DSCAM: variants seen among roughly 807,000 people sequenced by gnomAD.
The protein encoded by DSCAM is DS cell adhesion molecule, also known as cell adhesion molecule DSCAM.
In DSCAM, 47 loss-of-function variants were observed where a neutral mutation model predicts 217.7. The ratio of observed to expected loss-of-function variants is 0.22; its 90% confidence interval spans 0.17 to 0.28. DSCAM has a LOEUF of 0.28. Ranked by LOEUF, DSCAM falls within the 10% of genes least tolerant of loss-of-function variation. The pLI, the probability that DSCAM is intolerant of heterozygous loss-of-function variation, is 1.00. For missense variants in DSCAM, 2,080 were observed against 2,618.3 expected (o/e 0.79, Z 4.49); for synonymous variants, 1,056 against 1,015.3 (o/e 1.04, Z -0.76).
At chr21:40,197,064 T>C (rs567477963) in intron 11 of DSCAM, among the ~76,000 whole-genome samples, 1 of 152,324 alleles carries the variant, frequency 6.6e-6, no homozygotes, top group East Asian at 1.9e-4. Context: ...AAGAGAATTT[T>C]GGAATTAATT....
At chr21:40,412,873 G>C (rs2075336077) in intron 3 of DSCAM, among the ~76,000 whole-genome samples, 1 of 152,206 alleles carries the variant, frequency 6.6e-6, no homozygotes, top group Admixed American at 6.5e-5. Context: ...GAAGGAAAAA[G>C]TGGTTTCATG....
At chr21:40,534,459 A>G (rs1855002556) in intron 3 of DSCAM, among the ~76,000 whole-genome samples, 1 of 152,198 alleles carries the variant, frequency 6.6e-6, no homozygotes, top group Admixed American at 6.5e-5. Context: ...GCACATCTCC[A>G]GGGTAGCTGA....
At chr21:40,736,340 TG>T in intron 1 of DSCAM, among the ~76,000 whole-genome samples, 1 of 152,280 alleles carries the variant, frequency 6.6e-6, no homozygotes, top group South Asian at 2.1e-4. Flanking sequence ...CATTGGTAAC[TG>T]AACTCAACTT....
At chr21:40,254,710 T>C (rs2073348308) in intron 11 of DSCAM, among the ~76,000 whole-genome samples, 1 of 152,134 alleles carries the variant, frequency 6.6e-6, no homozygotes, top group Non-Finnish European at 1.5e-5. Context: ...GCATCCCAGC[T>C]TCTTTCTGTG....
Position 40,692,877 on chromosome 21 carries a change from G to C in DSCAM, c.441C>G (p.Ile147Met). 6.2e-7 allele frequency: 1 copy of C among 1,614,042 alleles called. No homozygotes were observed. Among genetic ancestry groups the C allele is most frequent in the Non-Finnish European group, 8.5e-7 (1 of 1,179,934 alleles). Residue 147 changes from isoleucine to methionine, a missense_variant, in exon 3 of 33, where the codon ATC becomes ATG. By Grantham distance (10) the Ile-to-Met change is conservative. This residue lies in a region of DSCAM where 568 missense variants were observed against 678.1 expected (regional missense o/e 0.84). Transcript: ENST00000400454. ...RGNVAVFKCI[I>M]PSSVEAYITV... is the part of the protein sequence containing the mutation. Reference sequence around the variant, plus strand: ...TGATGTACGCCTCCACCGAGGAGGGGATAATGCACTTGAAGACCGCAACAT... The same window carrying C: ...TGATGTACGCCTCCACCGAGGAGGGCATAATGCACTTGAAGACCGCAACAT...
intron 3 of DSCAM, among the ~76,000 whole-genome samples, chr21:40,632,039 C>T (rs959366088): frequency 1.3e-5 from 2 of 152,182 alleles, no homozygotes; most frequent in African/African-American, 4.8e-5. Context: ...GAACAGCACG[C>T]GTCCACGCAG....
intron 3 of DSCAM, among the ~76,000 whole-genome samples, chr21:40,482,055 G>C (rs2075987775): frequency 6.6e-6 from 1 of 152,182 alleles, no homozygotes; most frequent in Non-Finnish European, 1.5e-5. Flanking sequence ...CACCACTCCG[G>C]GGGGAAGAGC....
In DSCAM at chr21:40,055,705, T is replaced by C. The variant is rs1203991987; in HGVS notation, c.5035+20A>G. 1 of 1,590,112 alleles carries C rather than the reference T, an allele frequency of 6.3e-7. No individual in the cohort carries two copies. The highest frequency in any genetic ancestry group is 8.6e-7 in the Non-Finnish European group (1 of 1,159,244). Reference sequence around the variant, plus strand: ...GCTGTGGCAGCCACTTTGTGTAAAGTGGCAAATAGGGCAGCTTACCAATGG... The same window carrying C: ...GCTGTGGCAGCCACTTTGTGTAAAGCGGCAAATAGGGCAGCTTACCAATGG... On this transcript the variant is annotated intron_variant, in intron 29 of 32. Transcript: ENST00000400454.
chr21:40,459,016 T>C (rs2075785200), intron 3 of DSCAM, among the ~76,000 whole-genome samples: 1 of 151,566 alleles, frequency 6.6e-6, no homozygotes, highest in Non-Finnish European at 1.5e-5. Flanking sequence ...CATACGTATA[T>C]AAATAACAAG....
intron 1 of DSCAM, among the ~76,000 whole-genome samples, chr21:40,809,197 A>G (rs1356382084): frequency 6.6e-6 from 1 of 152,136 alleles, no homozygotes; most frequent in African/African-American, 2.4e-5. Flanking sequence ...CCACCACGAT[A>G]AAGGCAAGAG....
intron 18 of DSCAM, among the ~76,000 whole-genome samples, chr21:40,141,779 G>A (rs1327618944): frequency 2.0e-5 from 3 of 152,102 alleles, no homozygotes; most frequent in Non-Finnish European, 4.4e-5. Context: ...CCTGCTGGGG[G>A]CTGCAGCCTC....
In DSCAM at chr21:40,645,447, A is replaced by G. The variant is rs534896244; in HGVS notation, c.508+47363T>C. On this transcript the variant is annotated intron_variant, in intron 3 of 32. Transcript: ENST00000400454. ...ACTGTAGAAGGCTGTTAATTGAATT[A>G]GGGTAAAATAGTGAAAATTGGAACT... Among the ~76,000 whole-genome samples the G allele has an allele frequency of 1.4e-4, 22 of 152,336 alleles. No homozygotes were observed. In the East Asian group the frequency reaches 3.5e-3, roughly 24 times the overall value.
chr21:40,677,930 A>G (rs1022215312), intron 3 of DSCAM, among the ~76,000 whole-genome samples: 2 of 152,136 alleles, frequency 1.3e-5, no homozygotes, highest in African/African-American at 4.8e-5. Context: ...AAGCCACCCA[A>G]TGCATGGTAA....
intron 32 of DSCAM, among the ~76,000 whole-genome samples, chr21:40,030,452 A>T (rs955935613): frequency 2.0e-5 from 3 of 152,278 alleles, no homozygotes; most frequent in Admixed American, 1.3e-4. Flanking sequence ...CTCTCAGGCA[A>T]TGAGACGTAA....
chr21:40,604,289 T>G (rs1204752276), intron 3 of DSCAM, among the ~76,000 whole-genome samples: 3 of 152,200 alleles, frequency 2.0e-5, no homozygotes, highest in African/African-American at 7.2e-5. Flanking sequence ...TTTAAATTCT[T>G]CCTTAGAGTT....
At chr21:40,047,760 C>T (rs552599127) in intron 30 of DSCAM, among the ~76,000 whole-genome samples, 4 of 152,140 alleles carry the variant, frequency 2.6e-5, no homozygotes, top group Admixed American at 2.0e-4. Flanking sequence ...CCTCATGTAA[C>T]TAAAAAATAT....
At chr21:40,050,487 CT>C (rs34197777) in intron 30 of DSCAM, among the ~76,000 whole-genome samples, 108 of 146,626 alleles carry the variant, frequency 7.4e-4, no homozygotes, top group East Asian at 1.2e-3. Flanking sequence ...GCCCTTGAAT[CT>C]TTTTTTTTTT....
intron 3 of DSCAM, among the ~76,000 whole-genome samples, chr21:40,508,734 AATATATATAT>A (rs760072956): frequency 1.3e-3 from 60 of 45,834 alleles, no homozygotes; most frequent in South Asian, 6.0e-3. Context: ...ACACCCGGCA[AATATATATAT>A]ATATATATAT....
intron 1 of DSCAM, among the ~76,000 whole-genome samples, chr21:40,837,576 C>T (rs1276379355): frequency 1.3e-5 from 2 of 152,236 alleles, no homozygotes; most frequent in Admixed American, 1.3e-4. Context: ...CCACATTCTG[C>T]TGTCACGTTA....
Sources: gnomAD v4.1 joint callset for allele counts (sites outside exome capture counted in the v4.1 genomes callset) on GRCh38, gnomAD v4.1.1 for gene constraint, gnomAD v4.1.1 regional missense constraint, MANE v1.5 for transcripts, NCBI Gene and HGNC (gene_info 2026-07-23, HGNC 2026-07-21) for gene names.